R3HCC1L: variants seen among roughly 807,000 people sequenced by gnomAD.
R3HCC1L encodes the protein R3H domain and coiled-coil containing 1 like.
R3HCC1L carries 51 observed loss-of-function variants against 59.9 expected under a neutral mutation model. The ratio of observed to expected loss-of-function variants is 0.85; its 90% CI spans 0.68 to 1.07. R3HCC1L has a LOEUF of 1.07. Ranked by LOEUF, R3HCC1L falls within the 50% of genes least tolerant of loss-of-function variation. The pLI is 0.00. For missense variants in R3HCC1L, 965 were observed against 933.0 expected, an observed-to-expected ratio of 1.03 and a Z score of -0.45; for synonymous variants, 322 against 315.2, an observed-to-expected ratio of 1.02 and a Z score of -0.23.
chr10:98,215,523 C>T (rs1473570570), intron 5 of R3HCC1L, among the ~76,000 whole-genome samples: 2 of 152,134 alleles, frequency 1.3e-5, no homozygotes, highest in Non-Finnish European at 2.9e-5. Context: ...TTGATTCAGC[C>T]ACTGATATTG....
intron 1 of R3HCC1L, among the ~76,000 whole-genome samples, chr10:98,155,450 T>A (rs1222654916): frequency 6.6e-6 from 1 of 152,192 alleles, no homozygotes; most frequent in African/African-American, 2.4e-5. Context: ...AAAAGGAAAC[T>A]TTTTCTGTAG....
Position 98,176,789 on chromosome 10 carries a change from C to T in R3HCC1L, c.-15+13392C>T, listed in dbSNP as rs564369749. Reference sequence around the variant, plus strand: ...ATCTTTACTTTATTTTTGCATCTTACGGGGAGAGCATTTGGTTCTTCATCA... The same window carrying T: ...ATCTTTACTTTATTTTTGCATCTTATGGGGAGAGCATTTGGTTCTTCATCA... On this transcript the variant is annotated intron_variant, in intron 4 of 9. Transcript: ENST00000298999. Among the ~76,000 whole-genome samples the T allele has an allele frequency of 2.0e-4, 30 of 152,024 alleles. 1 individual carries two copies. The South Asian group carries it at 4.0e-3, about 20-fold the overall frequency.
chr10:98,183,386 A>AT (rs1362746565), intron 4 of R3HCC1L, among the ~76,000 whole-genome samples: 1 of 98,672 alleles, frequency 1.0e-5, no homozygotes, highest in African/African-American at 4.0e-5. Flanking sequence ...TTTATCTTTG[A>AT]TTTTTTCCAC....
chr10:98,219,376 C>A (rs1854601491), intron 5 of R3HCC1L, among the ~76,000 whole-genome samples: 1 of 152,188 alleles, frequency 6.6e-6, no homozygotes, highest in Non-Finnish European at 1.5e-5. Flanking sequence ...ATAGTTGGGT[C>A]ATGTTTATTA....
chr10:98,231,655 T>C lies in R3HCC1L; in HGVS notation c.1929T>C (p.Thr643=), dbSNP rs141801351. Residue 643 remains threonine, a synonymous_variant, in exon 6 of 10, where the codon ACT becomes ACC. Transcript: ENST00000298999. ...EIYDFPQEFH[T]EDLLRVFCSY... is the part of the protein sequence containing the mutation. Reference sequence around the variant, plus strand: ...ATGACTTTCCCCAAGAATTTCATACTGAAGACCTTCTACGGGTTTTCTGCA... The same window carrying C: ...ATGACTTTCCCCAAGAATTTCATACCGAAGACCTTCTACGGGTTTTCTGCA... 9.9e-5 allele frequency: 159 copies of C among 1,611,778 alleles called. No homozygotes were observed. The highest frequency in any genetic ancestry group is 6.4e-4 in the Admixed American group (38 of 59,774).
intron 4 of R3HCC1L, among the ~76,000 whole-genome samples, chr10:98,167,659 T>G (rs1019960287): frequency 1.3e-5 from 2 of 152,246 alleles, no homozygotes; most frequent in African/African-American, 4.8e-5. Context: ...GATATGTGTT[T>G]TAGTCTTACA....
intron 4 of R3HCC1L, among the ~76,000 whole-genome samples, chr10:98,188,822 A>G (rs959678705): frequency 1.3e-5 from 2 of 152,178 alleles, no homozygotes; most frequent in Non-Finnish European, 2.9e-5. Flanking sequence ...TAGGATCTAG[A>G]TAATCCTCTG....
chr10:98,152,899 G>A (rs1018747779), intron 1 of R3HCC1L, among the ~76,000 whole-genome samples: 1 of 151,510 alleles, frequency 6.6e-6, no homozygotes, highest in Non-Finnish European at 1.5e-5. Context: ...GGAGGGAGGA[G>A]GGGGGTCAGC....
chr10:98,142,815 G>A (rs918494847), intron 1 of R3HCC1L, among the ~76,000 whole-genome samples: 1 of 152,022 alleles, frequency 6.6e-6, no homozygotes, highest in Non-Finnish European at 1.5e-5. Flanking sequence ...TGTGCCTGTA[G>A]TCCCAGCTAC....
At chr10:98,184,084 G>A (rs997181556) in intron 4 of R3HCC1L, among the ~76,000 whole-genome samples, 1 of 151,554 alleles carries the variant, frequency 6.6e-6, no homozygotes, top group East Asian at 1.9e-4. Flanking sequence ...TGGTGGGGAG[G>A]AATGTTGAGG....
intron 5 of R3HCC1L, among the ~76,000 whole-genome samples, chr10:98,228,507 C>A (rs1822138713): frequency 6.6e-6 from 1 of 152,128 alleles, no homozygotes; most frequent in Non-Finnish European, 1.5e-5. Flanking sequence ...GAGTAGATTG[C>A]AAAAATTTTC....
At chr10:98,150,215 G>C (rs1316051719) in intron 1 of R3HCC1L, among the ~76,000 whole-genome samples, 2 of 152,164 alleles carry the variant, frequency 1.3e-5, no homozygotes, top group Non-Finnish European at 2.9e-5. Flanking sequence ...TTATCTTGGT[G>C]ATCACTGAAT....
intron 4 of R3HCC1L, among the ~76,000 whole-genome samples, chr10:98,169,533 C>T (rs1042261380): frequency 4.6e-5 from 7 of 152,180 alleles, no homozygotes; most frequent in Non-Finnish European, 8.8e-5. Context: ...ACTACTAAAT[C>T]ACTGCTCTAC....
chr10:98,194,833 A>T (rs1331731953), intron 4 of R3HCC1L, among the ~76,000 whole-genome samples: 1 of 152,172 alleles, frequency 6.6e-6, no homozygotes, highest in Non-Finnish European at 1.5e-5. Context: ...GTTGACAAGG[A>T]TGTAGAGGAA....
rs761340657 is a variant in R3HCC1L, at chr10:98,209,147, G to A, written c.1033G>A (p.Val345Ile). 7 of 1,614,012 alleles carry A rather than the reference G, an allele frequency of 4.3e-6. No individual in the cohort carries two copies. The highest frequency in any genetic ancestry group is 5.9e-6 in the Non-Finnish European group (7 of 1,180,002). Reference protein sequence around the residue: ...KNDSTADELHVKHEPPDTAVL... With the variant: ...KNDSTADELHIKHEPPDTAVL... ...TGACAGCACTGCTGATGAGTTACAT[G>A]TAAAGCACGAACCTCCTGATACAGC... Residue 345 changes from valine (V) to isoleucine (I), a missense_variant, in exon 5 of 10, where the codon GTA (valine) becomes ATA (isoleucine). Coordinates refer to ENST00000298999, the MANE Select transcript of R3HCC1L (RefSeq NM_001351015.2).
chr10:98,192,329 A>G (rs1850952764), intron 4 of R3HCC1L, among the ~76,000 whole-genome samples: 1 of 152,154 alleles, frequency 6.6e-6, no homozygotes, highest in South Asian at 2.1e-4. Context: ...AAATAGGAAA[A>G]TAATAGAAAA....
chr10:98,164,701 A>G (rs1185897439), intron 4 of R3HCC1L, among the ~76,000 whole-genome samples: 1 of 152,198 alleles, frequency 6.6e-6, no homozygotes, highest in Non-Finnish European at 1.5e-5. Context: ...CAGTGCTGAC[A>G]ATCTGTGACA....
chr10:98,137,084 G>A lies in R3HCC1L; in HGVS notation c.-268+2378G>A, dbSNP rs188882962. Among the ~76,000 whole-genome samples the A allele has an allele frequency of 7.4e-4, 112 of 152,232 alleles. 1 individual carries two copies. Among genetic ancestry groups the A allele is most frequent in the African/African-American group, 2.7e-3 (111 of 41,556 alleles). ...AAATTAGCTGGGCGTGGTGGCGTGC[G>A]CCTGTAGTCCCATGTCCTCAGGAGC... On this transcript the variant is annotated intron_variant, in intron 1 of 9. Transcript: ENST00000298999.
chr10:98,144,190 ATATTTATT>A (rs751820772), intron 1 of R3HCC1L, among the ~76,000 whole-genome samples: 2 of 152,064 alleles, frequency 1.3e-5, no homozygotes, highest in African/African-American at 2.4e-5. Flanking sequence ...CTGGGCAGTA[ATATTTATT>A]TATTTATTTA....
Sources: allele counts gnomAD v4.1 joint callset (sites outside exome capture counted in the v4.1 genomes callset), GRCh38; gene constraint gnomAD v4.1.1; transcripts MANE v1.5; gene names NCBI Gene and HGNC (gene_info 2026-07-23, HGNC 2026-07-21).